AGAP3: variants seen among roughly 807,000 people sequenced by gnomAD.
AGAP3 encodes ArfGAP with GTPase domain, ankyrin repeat and PH domain 3, also known as arf-GAP with GTPase, ANK repeat and PH domain-containing protein 3.
In AGAP3, 24 loss-of-function variants were observed where a neutral mutation model predicts 96.9. The ratio of observed to expected loss-of-function variants is 0.25; its 90% CI spans 0.18 to 0.35. The LOEUF (loss-of-function observed/expected upper bound fraction) is 0.35, where lower values mean the gene tolerates loss of function less well. Among genes scored for constraint, AGAP3 ranks in the 10% least tolerant of loss-of-function variants. The pLI, the probability that AGAP3 is intolerant of heterozygous loss-of-function variation, is 1.00. For synonymous variants in AGAP3, 563 were observed against 536.1 expected (o/e 1.05, Z -0.69); for missense variants, 876 against 1,254.2 (o/e 0.70, Z 4.55).
At chr7:151,104,531 T>C (rs1163912337) in intron 1 of AGAP3, among the ~76,000 whole-genome samples, 3 of 151,810 alleles carry the variant, frequency 2.0e-5, no homozygotes, top group Non-Finnish European at 4.4e-5. Flanking sequence ...GAAGAGGAAA[T>C]GCTTTGTGTT....
intron 1 of AGAP3, 104 bp from the exon 2 acceptor site, chr7:151,116,689 C>G (rs1585072643): frequency 7.4e-7 from 1 of 1,343,486 alleles, no homozygotes; most frequent in East Asian, 2.3e-5. Context: ...CTGCTGTCCT[C>G]TGGCCTGGGC....
At chr7:151,121,230 T>C (rs768096657) in intron 8 of AGAP3, among the ~76,000 whole-genome samples, 1 of 152,094 alleles carries the variant, frequency 6.6e-6, no homozygotes, top group African/African-American at 2.4e-5. Flanking sequence ...CCATCCATGC[T>C]AACAGAGACT....
rs777364527 is a variant in AGAP3 at position 151,118,572 on chromosome 7, C to G, written c.909C>G (p.Pro303=). The change falls in exon 7 of 18, where the codon CCC becomes CCG. Residue 303 remains proline, a synonymous_variant. Transcript: ENST00000397238. The surrounding 1 kb of genome is among the most constrained non-coding windows in gnomAD (Gnocchi z 6.1). ...CCATCGGGCCCTGCAAGTCACTGCC[C>G]AACTCGCCCAGCCACTCGGCCGTGT... ...QLAIGPCKSL[P]NSPSHSAVSA... 1.2e-6 allele frequency: 2 copies of G among 1,614,094 alleles called. No homozygotes were observed. Among genetic ancestry groups the G allele is most frequent in the East Asian group, 2.2e-5 (1 of 44,876 alleles).
rs960994281 is a variant in AGAP3, at chr7:151,086,610, GCC to G, written c.-129_-128del. On this transcript the variant is annotated 5_prime_UTR_variant, in exon 1 of 18. Coordinates refer to ENST00000397238, the MANE Select transcript of AGAP3 (RefSeq NM_031946.7). ...CCCCGGCCCCCGGCTCCATGCGCTAGCCCCGCGCCGCCAGCCCAGTAGTCCCG... is the reference window on the plus strand; with the variant it reads ...CCCCGGCCCCCGGCTCCATGCGCTAGCCGCGCCGCCAGCCCAGTAGTCCCG... The G allele has an allele frequency of 4.1e-4, 61 of 148,988 alleles. No individual in the cohort carries two copies. In the South Asian group the frequency reaches 6.7e-3, roughly 16 times the overall value. The allele number at this position is 148,988 out of a possible 1,614,324, so 9.2% of individuals were successfully genotyped here.
chr7:151,099,847 C>T (rs1798767564), intron 1 of AGAP3, among the ~76,000 whole-genome samples: 1 of 152,212 alleles, frequency 6.6e-6, no homozygotes, highest in South Asian at 2.1e-4. Flanking sequence ...TTGTCCCATA[C>T]TAAGTAATAT....
chr7:151,142,455 T>C lies in AGAP3; in HGVS notation c.2094T>C (p.Ile698=), dbSNP rs1211149913. The C allele has an allele frequency of 1.9e-6, 3 of 1,613,898 alleles. No individual in the cohort carries two copies. Among genetic ancestry groups the C allele is most frequent in the African/African-American group, 1.3e-5 (1 of 74,916 alleles). The change falls in exon 16 of 18, where the codon ATT becomes ATC. Residue 698 remains isoleucine (I), a synonymous_variant. Transcript: ENST00000397238. The surrounding 1 kb of genome is among the most constrained non-coding windows in gnomAD (Gnocchi z 7.5). ...ASLNLGALMC[I]ECSGIHRHLG... ...TGAACCTGGGTGCCCTGATGTGCAT[T>C]GAGTGCTCAGGCATCCACCGACACC...
intron 8 of AGAP3, among the ~76,000 whole-genome samples, chr7:151,121,342 G>T (rs538641788): frequency 1.6e-3 from 234 of 146,026 alleles, no homozygotes; most frequent in Middle Eastern, 6.8e-3. Context: ...ATTAGAGCGT[G>T]GGGGGGGCCG....
intron 9 of AGAP3, 155 bp from the exon 10 acceptor site, chr7:151,128,425 C>T (rs552590371): frequency 9.6e-5 from 59 of 611,536 alleles, no homozygotes; most frequent in African/African-American, 9.0e-4. Flanking sequence ...GGGGCCTTCC[C>T]AAGTTCACCG....
chr7:151,137,416 A>G (rs1185238877), intron 11 of AGAP3, among the ~76,000 whole-genome samples: 3 of 152,166 alleles, frequency 2.0e-5, no homozygotes, highest in African/African-American at 7.2e-5. Context: ...AGGGGAAGGA[A>G]GCTTAGGTTC....
At position 151,117,621 on chromosome 7, in the gene AGAP3, C is replaced by G; in HGVS notation, c.565-15C>G. On this transcript the variant is annotated splice_polypyrimidine_tract_variant and intron_variant, in intron 4 of 17. Transcript: ENST00000397238. Reference sequence around the variant, plus strand: ...GGTCCAGTTGCGGGTGCTAATTTTACTTGCTCTACCCTAGTTTGCTGCCTG... The same window carrying G: ...GGTCCAGTTGCGGGTGCTAATTTTAGTTGCTCTACCCTAGTTTGCTGCCTG... 1.2e-6 allele frequency: 2 copies of G among 1,613,566 alleles called. No homozygotes were observed. The highest frequency in any genetic ancestry group is 1.7e-6 in the Non-Finnish European group (2 of 1,179,628).
intron 8 of AGAP3, chr7:151,120,616 C>A: frequency 7.7e-7 from 1 of 1,294,190 alleles, no homozygotes; most frequent in Non-Finnish European, 1.0e-6. Flanking sequence ...CGTCGCCTTC[C>A]GGCTCTTTTT....
intron 9 of AGAP3, among the ~76,000 whole-genome samples, chr7:151,126,371 GGAGC>G (rs1028018326): frequency 6.6e-6 from 1 of 150,974 alleles, no homozygotes; most frequent in African/African-American, 2.4e-5. Flanking sequence ...AGAGCAGAGC[GGAGC>G]GGGGCGGGGC....
rs114644735 is a variant in AGAP3, at chr7:151,108,111, C to T, written c.332-8682C>T. Among the ~76,000 whole-genome samples, 2,659 of 152,300 alleles carry T rather than the reference C, an allele frequency of 0.017. 75 individuals are homozygous for T. The highest frequency in any genetic ancestry group is 0.061 in the African/African-American group (2,528 of 41,548). On this transcript the variant is annotated intron_variant, in intron 1 of 17. Transcript: ENST00000397238. This position sits in a 1 kb window ranked among gnomAD's most constrained non-coding sequence, Gnocchi z 4.2. ...CTGTTGCTGGTCAGAGCTGGAGTGG[C>T]GTCACGGGCACTTCCAGGGTCTTAG...
chr7:151,128,949 G>A (rs1800293032), intron 10 of AGAP3, among the ~76,000 whole-genome samples: 1 of 152,212 alleles, frequency 6.6e-6, no homozygotes, highest in Admixed American at 6.5e-5. Context: ...CACTTCCACA[G>A]AATTTCTGGT....
At chr7:151,105,452 CT>C (rs1460712761) in intron 1 of AGAP3, among the ~76,000 whole-genome samples, 1 of 151,998 alleles carries the variant, frequency 6.6e-6, no homozygotes, top group Non-Finnish European at 1.5e-5. Context: ...TTGTATCTGA[CT>C]TTTTAAACAA....
intron 8 of AGAP3, chr7:151,123,524 G>T (rs754070168): frequency 7.7e-5 from 98 of 1,274,274 alleles, no homozygotes; most frequent in Non-Finnish European, 1.2e-5. Flanking sequence ...CCCCGGGCGT[G>T]CTCCTCGCGC....
At position 151,108,644 on chromosome 7, in the gene AGAP3, G is replaced by C. The variant is rs995505957; in HGVS notation, c.332-8149G>C. ...AGACTGCCAGCCGCGTCACCTTGAG[G>C]CAGGGTGGGGCAGAGACTTCAGTCT... On this transcript the variant is annotated intron_variant, in intron 1 of 17. Coordinates refer to ENST00000397238, the MANE Select transcript of AGAP3 (RefSeq NM_031946.7). The surrounding 1 kb of genome is among the most constrained non-coding windows in gnomAD (Gnocchi z 4.2). Among the ~76,000 whole-genome samples the C allele has an allele frequency of 6.6e-6, 1 of 152,222 alleles. No homozygotes were observed. The highest frequency in any genetic ancestry group is 1.5e-5 in the Non-Finnish European group (1 of 68,038).
At chr7:151,130,479 C>G (rs1800360324) in intron 10 of AGAP3, among the ~76,000 whole-genome samples, 1 of 152,180 alleles carries the variant, frequency 6.6e-6, no homozygotes, top group Admixed American at 6.5e-5. Flanking sequence ...GCACCTCCCT[C>G]TGGGGCTGGC....
Position 151,143,216 on chromosome 7 carries a change from A to C in AGAP3, c.2274-125A>C, listed in dbSNP as rs1006048175. On this transcript the variant is annotated intron_variant, in intron 16 of 17. Transcript: ENST00000397238. The surrounding 1 kb of genome is among the most constrained non-coding windows in gnomAD (Gnocchi z 5.9). ...CTCTCCTTCCTTTTTGCTCCATCTCATCTTCTCTCACTGTTTCTTCCTTGT... is the reference window on the plus strand; with the variant it reads ...CTCTCCTTCCTTTTTGCTCCATCTCCTCTTCTCTCACTGTTTCTTCCTTGT... 1.6e-6 allele frequency: 2 copies of C among 1,219,766 alleles called. No individual in the cohort carries two copies. The highest frequency in any genetic ancestry group is 4.9e-5 in the East Asian group (2 of 40,970). The allele number at this position is 1,219,766 out of a possible 1,614,324, so 75.6% of individuals were successfully genotyped here. A position where few individuals can be genotyped will look rare whatever the true frequency, so the allele number is the denominator to read the frequency against.
Sources: allele counts gnomAD v4.1 joint callset (sites outside exome capture counted in the v4.1 genomes callset), GRCh38; gene constraint gnomAD v4.1.1; non-coding constraint Gnocchi (gnomAD v3.1); transcripts MANE v1.5; gene names NCBI Gene and HGNC (gene_info 2026-07-23, HGNC 2026-07-21).